The following EHMT1 variants were observed in gnomAD, a reference collection of about 807,000 sequenced individuals.
EHMT1 encodes euchromatic histone lysine methyltransferase 1.
EHMT1 carries 15 observed loss-of-function variants against 147.2 expected under a neutral mutation model. The observed-to-expected ratio is 0.10, with a 90% confidence interval of 0.07 to 0.16. EHMT1 has a LOEUF of 0.16. EHMT1 is among the 10% of genes least tolerant of loss of function. EHMT1 has a pLI of 1.00. For synonymous variants in EHMT1, 795 were observed against 709.6 expected, an observed-to-expected ratio of 1.12 and a Z score of -1.91; for missense variants, 1,587 against 1,772.4, an observed-to-expected ratio of 0.90 and a Z score of 1.88.
At chr9:137,780,894 C>G (rs1402858755) in intron 14 of EHMT1, among the ~76,000 whole-genome samples, 2 of 101,950 alleles carry the variant, frequency 2.0e-5, no homozygotes, top group Non-Finnish European at 4.1e-5. Context: ...GGTGATGACG[C>G]TGGGATGTGT....
chr9:137,758,329 G>A (rs1344653637), intron 9 of EHMT1, among the ~76,000 whole-genome samples: 1 of 152,228 alleles, frequency 6.6e-6, no homozygotes, highest in African/African-American at 2.4e-5. Flanking sequence ...CTCCCTGGTG[G>A]CATCTCAGGA....
chr9:137,790,105 ATTT>A (rs1004034500), intron 15 of EHMT1, among the ~76,000 whole-genome samples: 2 of 152,206 alleles, frequency 1.3e-5, no homozygotes, highest in Non-Finnish European at 2.9e-5. Flanking sequence ...AACATTCCTT[ATTT>A]AATTGTGTTA....
At chr9:137,779,591 G>T (rs1238638920) in intron 13 of EHMT1, 44 bp from the exon 14 acceptor site, 1 of 1,607,616 alleles carries the variant, frequency 6.2e-7, no homozygotes. Flanking sequence ...TTCATGTGTG[G>T]GATGCAGAGC....
chr9:137,790,755 C>CT, intron 15 of EHMT1, 93 bp from the exon 16 acceptor site: 3 of 1,590,996 alleles, frequency 1.9e-6, no homozygotes, highest in South Asian at 1.1e-5. Flanking sequence ...GTGCAGCTCT[C>CT]TTTTTTTGAG....
At chr9:137,671,321 T>C (rs1450437004) in intron 1 of EHMT1, among the ~76,000 whole-genome samples, 1 of 152,178 alleles carries the variant, frequency 6.6e-6, no homozygotes, top group Non-Finnish European at 1.5e-5. Context: ...TAAAGTTTTT[T>C]TACAGAGAGC....
chr9:137,682,585 G>A (rs1012368983), intron 1 of EHMT1, among the ~76,000 whole-genome samples: 20 of 152,154 alleles, frequency 1.3e-4, no homozygotes, highest in Non-Finnish European at 2.5e-4. Flanking sequence ...GTGACCCTGG[G>A]CCTCTTCACC....
rs370718445 is a variant in EHMT1, at chr9:137,775,081, A to T, written c.1648-28A>T. Reference sequence around the variant, plus strand: ...AATGCCGGCCTCTCGTGACTCTGACATTGACCACCAGTCTTGTCTGATTGC... The same window carrying T: ...AATGCCGGCCTCTCGTGACTCTGACTTTGACCACCAGTCTTGTCTGATTGC... On this transcript the variant is annotated intron_variant, in intron 10 of 26. Transcript: ENST00000460843. This position sits in a 1 kb window ranked among gnomAD's most constrained non-coding sequence, Gnocchi z 6.1. 6.2e-7 allele frequency: 1 copy of T among 1,613,952 alleles called. No individual in the cohort carries two copies.
At chr9:137,765,030 C>T (rs1435363705) in intron 10 of EHMT1, among the ~76,000 whole-genome samples, 3 of 152,220 alleles carry the variant, frequency 2.0e-5, no homozygotes, top group East Asian at 1.9e-4. Context: ...GAGGTTCGTG[C>T]GCTGGGAGCG....
intron 3 of EHMT1, among the ~76,000 whole-genome samples, chr9:137,718,734 TTCTC>T (rs546606636): frequency 7.2e-4 from 109 of 151,752 alleles, no homozygotes; most frequent in African/African-American, 2.2e-3. Flanking sequence ...CTCTGATTAG[TTCTC>T]TCTCTTTTTC....
At chr9:137,741,114 C>A (rs1379746487) in intron 4 of EHMT1, among the ~76,000 whole-genome samples, 8 of 152,058 alleles carry the variant, frequency 5.3e-5, no homozygotes, top group Admixed American at 3.9e-4. Flanking sequence ...GTAGCTGGGA[C>A]TACAGGCGCC....
In EHMT1 at chr9:137,752,313, G is replaced by T; in HGVS notation, c.1171-18G>T. ...TGTTTTCTGTTTGGGTTCCCGCTTC[G>T]ACTGTGTGGCTGATCAGATGGACGG... On this transcript the variant is annotated intron_variant, in intron 6 of 26. Transcript: ENST00000460843. 6.2e-7 allele frequency: 1 copy of T among 1,613,906 alleles called. No individual in the cohort carries two copies. Among genetic ancestry groups the T allele is most frequent in the Non-Finnish European group, 8.5e-7 (1 of 1,179,922 alleles).
rs969055449 is a variant in EHMT1, at chr9:137,828,731, T to C, written c.3541-5618T>C. Among the ~76,000 whole-genome samples, 3 of 152,172 alleles carry C rather than the reference T, an allele frequency of 2.0e-5. No homozygotes were observed. Among genetic ancestry groups the C allele is most frequent in the Non-Finnish European group, 4.4e-5 (3 of 68,000 alleles). On this transcript the variant is annotated intron_variant, in intron 25 of 26. Transcript: ENST00000460843. This position sits in a 1 kb window ranked among gnomAD's most constrained non-coding sequence, Gnocchi z 5.3. Reference sequence around the variant, plus strand: ...ACTAGAGCATCTCTAAGGCCGGTGGTTCTGGACAGAAAAACCACAAAAATG... The same window carrying C: ...ACTAGAGCATCTCTAAGGCCGGTGGCTCTGGACAGAAAAACCACAAAAATG...
chr9:137,780,099 T>TGTGATGACGCTGGGATGTGTG (rs1288437548), intron 14 of EHMT1, among the ~76,000 whole-genome samples: 1 of 134,024 alleles, frequency 7.5e-6, no homozygotes, highest in Non-Finnish European at 1.6e-5. Flanking sequence ...GATGCTGAGA[T>TGTGATGACGCTGGGATGTGTG]GTGATGACGC....
chr9:137,777,055 A>G, intron 12 of EHMT1: 2 of 566,076 alleles, frequency 3.5e-6, no homozygotes, highest in Non-Finnish European at 6.2e-6. Flanking sequence ...ATGTAGATCC[A>G]TTTGCCTGTT....
At chr9:137,760,660 A>G (rs1206687246) in intron 9 of EHMT1, among the ~76,000 whole-genome samples, 2 of 152,194 alleles carry the variant, frequency 1.3e-5, no homozygotes, top group Non-Finnish European at 2.9e-5. Flanking sequence ...TCAGATTCCA[A>G]ATGGGCTAGA....
chr9:137,723,212 C>A (rs1324736037), intron 3 of EHMT1, among the ~76,000 whole-genome samples: 1 of 77,890 alleles, frequency 1.3e-5, no homozygotes, highest in Non-Finnish European at 2.5e-5. Context: ...TGGGCCTGAG[C>A]CCGGGGTGTG....
Position 137,731,069 on chromosome 9 carries a change from G to A in EHMT1, c.823+2540G>A, listed in dbSNP as rs1213771697. On this transcript the variant is annotated intron_variant, in intron 4 of 26. Transcript: ENST00000460843. This position sits in a 1 kb window ranked among gnomAD's most constrained non-coding sequence, Gnocchi z 4.3. Reference sequence around the variant, plus strand: ...TTTCCTATTTTAGCTTTATTATATCGCCATCTTTTAAAAAGAGCTTTCTAA... The same window carrying A: ...TTTCCTATTTTAGCTTTATTATATCACCATCTTTTAAAAAGAGCTTTCTAA... Among the ~76,000 whole-genome samples the A allele has an allele frequency of 6.6e-6, 1 of 152,062 alleles. No homozygotes were observed. Among genetic ancestry groups the A allele is most frequent in the Non-Finnish European group, 1.5e-5 (1 of 68,012 alleles).
intron 1 of EHMT1, among the ~76,000 whole-genome samples, chr9:137,652,237 T>C (rs1387774692): frequency 1.3e-5 from 2 of 152,094 alleles, no homozygotes; most frequent in African/African-American, 2.4e-5. Context: ...GGGCCTTGGC[T>C]AATGTGTGTG....
rs746733913 is a variant in EHMT1, at chr9:137,818,151, G to T, written c.3540+13G>T. ...TCTCGACAATAAGGTAATGTGTTTT[G>T]TGGGGTTGGGGCCACGCAGAACTTG... On this transcript the variant is annotated intron_variant, in intron 25 of 26. Coordinates refer to ENST00000460843, the MANE Select transcript of EHMT1 (RefSeq NM_024757.5). 6.2e-7 allele frequency: 1 copy of T among 1,614,014 alleles called. No homozygotes were observed. Among genetic ancestry groups the T allele is most frequent in the African/African-American group, 1.3e-5 (1 of 74,934 alleles).
Sources: gnomAD v4.1 joint callset for allele counts (sites outside exome capture counted in the v4.1 genomes callset) on GRCh38, gnomAD v4.1.1 for gene constraint, Gnocchi (gnomAD v3.1) non-coding constraint, MANE v1.5 for transcripts, NCBI Gene and HGNC (gene_info 2026-07-23, HGNC 2026-07-21) for gene names.